The following PDE4C variants were observed in gnomAD, a reference collection of about 807,000 sequenced individuals.
PDE4C encodes 3',5'-cyclic-AMP phosphodiesterase 4C.
A neutral mutation model predicts 63.9 loss-of-function variants in PDE4C; 50 were observed. The observed-to-expected ratio is 0.78, with a 90% CI of 0.62 to 0.99. The LOEUF is 0.99. PDE4C is among the 50% of genes least tolerant of loss of function. The pLI, the probability that PDE4C is intolerant of heterozygous loss-of-function variation, is 0.00. For missense variants in PDE4C, 777 were observed against 899.1 expected (o/e 0.86, Z 1.74); for synonymous variants, 377 against 385.1 (o/e 0.98, Z 0.25).
upstream of PDE4C, among the ~76,000 whole-genome samples, chr19:18,236,673 C>T (rs1287509986): frequency 6.6e-6 from 1 of 152,188 alleles, no homozygotes; most frequent in African/African-American, 2.4e-5. Context: ...TCTGTCTCCA[C>T]CATCAGCCTG....
chr19:18,245,528 C>T (rs1969114363), intron 1 of PDE4C, among the ~76,000 whole-genome samples: 1 of 152,154 alleles, frequency 6.6e-6, no homozygotes, highest in Non-Finnish European at 1.5e-5. Context: ...GCCGGGGACA[C>T]CCTTCCCCCG....
At chr19:18,250,412 C>A, upstream of PDE4C, 1 of 399,152 alleles carries the variant, frequency 2.5e-6, no homozygotes, top group Non-Finnish European at 4.4e-6. Context: ...CACCAGCAAA[C>A]ACACGACCAC....
chr19:18,248,105 T>C (rs1054527079), intron 1 of PDE4C: 1 of 453,440 alleles, frequency 2.2e-6, no homozygotes, highest in African/African-American at 2.0e-5. Flanking sequence ...CCAGCACCTC[T>C]CCTGAGACGC....
rs547321761 is a variant in PDE4C, at chr19:18,224,184, G to A, written c.147-1861C>T. The stretch of plus-strand genomic sequence containing the variant: ...TGGCTCCTCCTCTTTGGGGTCAGAG[G>A]TCAGAGAAAGGGCGTAGGGCAAGAA... On this transcript the variant is annotated intron_variant, in intron 1 of 14. Coordinates refer to ENST00000262805, the Ensembl canonical transcript of PDE4C. The A allele has an allele frequency of 6.1e-6, 6 of 984,314 alleles. No homozygotes were observed. In the South Asian group the frequency reaches 2.8e-4, roughly 46 times the overall value. The allele number at this position is 984,314 out of a possible 1,614,324, so 61.0% of individuals were successfully genotyped here. A position where few individuals can be genotyped will look rare whatever the true frequency, so the allele number is the denominator to read the frequency against.
At chr19:18,210,872 G>A (rs1240476625) in exon 15 of PDE4C, 1 of 1,516,504 alleles carries the variant, frequency 6.6e-7, no homozygotes, top group Non-Finnish European at 8.8e-7. Context: ...AAGTCTGCCT[G>A]CCAAGAGCCA....
rs1175405209 is a variant in PDE4C at position 18,220,811 on chromosome 19, G to A, written c.499+63C>T. The stretch of plus-strand genomic sequence containing the variant: ...TATAAGGGGCTCATGGACTGGGGAG[G>A]TCACTATGGAAAGGAAGCTCCCAGC... On this transcript the variant is annotated intron_variant, in intron 5 of 14. Coordinates refer to ENST00000262805, the Ensembl canonical transcript of PDE4C. The surrounding 1 kb of genome is among the most constrained non-coding windows in gnomAD (Gnocchi z 5.1). 2.0e-6 allele frequency: 3 copies of A among 1,496,770 alleles called. No individual in the cohort carries two copies. The highest frequency in any genetic ancestry group is 2.8e-6 in the Non-Finnish European group (3 of 1,086,200). The allele number at this position is 1,496,770 out of a possible 1,614,324, so 92.7% of individuals were successfully genotyped here.
intron 2 of PDE4C, among the ~76,000 whole-genome samples, chr19:18,221,693 C>T (rs944146755): frequency 1.3e-5 from 2 of 152,118 alleles, no homozygotes; most frequent in African/African-American, 4.8e-5. Flanking sequence ...GGTGCCATCT[C>T]GGCTCACTAC....
At chr19:18,222,701 T>C (rs930062091) in intron 1 of PDE4C, among the ~76,000 whole-genome samples, 1 of 22,014 alleles carries the variant, frequency 4.5e-5, no homozygotes, top group African/African-American at 1.0e-4. Flanking sequence ...CTTTCTTTTC[T>C]TTTTTTTTTT....
exon 9 of PDE4C, chr19:18,218,992 G>A (rs772270728): frequency 1.1e-5 from 18 of 1,613,382 alleles, no homozygotes; most frequent in East Asian, 4.5e-5. Flanking sequence ...ACTTAGCTCC[G>A]CCACCTTGAA....
intron 1 of PDE4C, among the ~76,000 whole-genome samples, chr19:18,238,892 G>A (rs567616734): frequency 6.6e-6 from 1 of 152,098 alleles, no homozygotes; most frequent in South Asian, 2.1e-4. Flanking sequence ...TCAGGAGGCT[G>A]AGGCAGGAGA....
exon 12 of PDE4C, chr19:18,216,857 G>C: frequency 6.2e-7 from 1 of 1,614,104 alleles, no homozygotes; most frequent in Non-Finnish European, 8.5e-7. Flanking sequence ...TGGTTCTCCA[G>C]CACCGAGGCG....
intron 1 of PDE4C, among the ~76,000 whole-genome samples, chr19:18,225,267 C>T (rs1394552722): frequency 6.6e-6 from 1 of 152,132 alleles, no homozygotes; most frequent in African/African-American, 2.4e-5. Context: ...TGCGCGGGGC[C>T]GGCCCTCGTT....
chr19:18,231,043 C>T (rs773212136), upstream of PDE4C, among the ~76,000 whole-genome samples: 6 of 152,234 alleles, frequency 3.9e-5, no homozygotes, highest in Non-Finnish European at 8.8e-5. Context: ...GTGTACCAGG[C>T]TCAGGCACAG....
chr19:18,233,109 G>A (rs1968885425), exon 1 of PDE4C: 2 of 1,567,226 alleles, frequency 1.3e-6, no homozygotes, highest in South Asian at 2.3e-5. Context: ...GTGCTTCGGG[G>A]CTCTGGTCAT....
chr19:18,219,380 C>T, exon 8 of PDE4C: 2 of 1,606,998 alleles, frequency 1.2e-6, no homozygotes, highest in Non-Finnish European at 1.7e-6. Context: ...TTGGGCAGCT[C>T]CACCTCGGTC....
intron 4 of PDE4C, 58 bp downstream of exon 4, chr19:18,221,047 T>C: frequency 1.6e-6 from 1 of 640,118 alleles, no homozygotes; most frequent in Non-Finnish European, 2.3e-6. Context: ...TGCAGCCCGC[T>C]TTCCGCCCAC....
At chr19:18,225,320 TGCGCTGTCTCTA>T (rs1968681395) in intron 1 of PDE4C, among the ~76,000 whole-genome samples, 1 of 152,178 alleles carries the variant, frequency 6.6e-6, no homozygotes, top group Admixed American at 6.5e-5. Context: ...TCGACGTCCC[TGCGCTGTCTCTA>T]GCGCCTTCAA....
At chr19:18,222,091 G>C (rs1378706377) in intron 2 of PDE4C, 41 bp downstream of exon 2, 4 of 1,526,770 alleles carry the variant, frequency 2.6e-6, no homozygotes, top group Non-Finnish European at 3.6e-6. Flanking sequence ...AAGGAAGGAG[G>C]GAGGGTAGAG....
chr19:18,210,807 T>C, exon 15 of PDE4C: 1 of 1,463,204 alleles, frequency 6.8e-7, no homozygotes, highest in African/African-American at 1.4e-5. Flanking sequence ...AGCTTGATTG[T>C]CTCCCTAAAT....
Sources: allele counts gnomAD v4.1 joint callset (sites outside exome capture counted in the v4.1 genomes callset), GRCh38; gene constraint gnomAD v4.1.1; non-coding constraint Gnocchi (gnomAD v3.1); transcripts MANE v1.5; gene names NCBI Gene and HGNC (gene_info 2026-07-23, HGNC 2026-07-21).